HTRA3: variants seen among roughly 807,000 people sequenced by gnomAD.
The protein encoded by HTRA3 is HtrA serine peptidase 3, also known as serine protease HTRA3.
Under a neutral mutation model 43.2 loss-of-function variants are expected in HTRA3, and 41 were observed. That is an observed-to-expected ratio of 0.95 (90% confidence interval 0.74 to 1.23). The LOEUF (loss-of-function observed/expected upper bound fraction) is 1.23. HTRA3 is among the 50% of genes most tolerant of loss of function. HTRA3 has a pLI of 0.00. For missense variants in HTRA3, 628 were observed against 647.1 expected, an observed-to-expected ratio of 0.97 and a Z score of 0.32; for synonymous variants, 295 against 287.9, an observed-to-expected ratio of 1.02 and a Z score of -0.25.
chr4:8,305,884 C>A, intron 8 of HTRA3, 87 bp from the exon 9 acceptor site: 3 of 1,449,666 alleles, frequency 2.1e-6, no homozygotes, highest in East Asian at 4.6e-5. Flanking sequence ...TTGTCATTGA[C>A]CCTGACTGTG....
intron 1 of HTRA3, among the ~76,000 whole-genome samples, chr4:8,275,339 C>T (rs569017573): frequency 4.6e-5 from 7 of 152,330 alleles, no homozygotes; most frequent in East Asian, 1.9e-4. Flanking sequence ...CCCTCCCTGC[C>T]GAAAGCTGGG....
chr4:8,278,582 T>C (rs1285058488), intron 1 of HTRA3, among the ~76,000 whole-genome samples: 1 of 152,114 alleles, frequency 6.6e-6, no homozygotes, highest in Non-Finnish European at 1.5e-5. Context: ...CCCTTCCCCC[T>C]GATTCATGGC....
At chr4:8,291,328 G>A (rs1259636262) in intron 3 of HTRA3, 42 bp from the exon 4 acceptor site, 16 of 1,561,916 alleles carry the variant, frequency 1.0e-5, no homozygotes, top group African/African-American at 4.1e-5. Flanking sequence ...GAAGGTAGAC[G>A]GCTAAGCCTC....
Position 8,296,396 on chromosome 4 carries a change from C to G in HTRA3, c.1051+2195C>G, listed in dbSNP as rs1395727609. 3.0e-6 allele frequency: 3 copies of G among 985,364 alleles called. No homozygotes were observed. Among genetic ancestry groups the G allele is most frequent in the African/African-American group, 3.5e-5 (2 of 57,242 alleles). 61.0% of individuals were successfully genotyped at this position (985,364 alleles called of 1,614,324 possible). ...AAACCTTAGCTGCATGGCACACTTG[C>G]AATTTTAAAATCCTTCTGAAGTTGA... On this transcript the variant is annotated intron_variant, in intron 6 of 8. Coordinates refer to ENST00000307358, the MANE Select transcript of HTRA3 (RefSeq NM_053044.5). The surrounding 1 kb of genome is among the most constrained non-coding windows in gnomAD (Gnocchi z 5.3).
rs1713846413 is a variant in HTRA3 at position 8,306,252 on chromosome 4, T to C, written c.*116T>C. ...CCTCAGCAGGGCGGCAGCCTCCTCC[T>C]GGCTGTCCGGGGCAGAGCGGAGGCT... On this transcript the variant is annotated 3_prime_UTR_variant, in exon 9 of 9. Transcript: ENST00000307358. This position sits in a 1 kb window ranked among gnomAD's most constrained non-coding sequence, Gnocchi z 8.9. 3 of 1,151,388 alleles carry C rather than the reference T, an allele frequency of 2.6e-6. No individual in the cohort carries two copies. Among genetic ancestry groups the C allele is most frequent in the Non-Finnish European group, 3.6e-6 (3 of 842,096 alleles). 71.3% of individuals were successfully genotyped at this position (1,151,388 alleles called of 1,614,324 possible).
chr4:8,277,704 A>G (rs1231647117), intron 1 of HTRA3, among the ~76,000 whole-genome samples: 1 of 152,188 alleles, frequency 6.6e-6, no homozygotes, highest in Non-Finnish European at 1.5e-5. Context: ...GAGGCTGCAG[A>G]TGTCAATGGG....
chr4:8,283,389 C>T (rs1159878686), intron 2 of HTRA3, among the ~76,000 whole-genome samples: 5 of 152,210 alleles, frequency 3.3e-5, no homozygotes, highest in African/African-American at 1.2e-4. Context: ...CCACCATCCC[C>T]AGCCTCTCCT....
In HTRA3 at chr4:8,273,715, C is replaced by T. The variant is rs1232724953; in HGVS notation, c.385+3362C>T. Reference sequence around the variant, plus strand: ...CACCACGATGTTCAGTGGGGAGCCTCGATCCCCTCCGTCCCTCCGCCCCTC... The same window carrying T: ...CACCACGATGTTCAGTGGGGAGCCTTGATCCCCTCCGTCCCTCCGCCCCTC... On this transcript the variant is annotated intron_variant, in intron 1 of 8. Coordinates refer to ENST00000307358, the MANE Select transcript of HTRA3 (RefSeq NM_053044.5). Among the ~76,000 whole-genome samples, 5 of 152,086 alleles carry T rather than the reference C, an allele frequency of 3.3e-5. No individual in the cohort carries two copies. The East Asian group carries it at 9.7e-4, about 29-fold the overall frequency.
Position 8,269,916 on chromosome 4 carries a change from C to T in HTRA3, c.-53C>T. 2 of 905,866 alleles carry T rather than the reference C, an allele frequency of 2.2e-6. No individual in the cohort carries two copies. Among genetic ancestry groups the T allele is most frequent in the Non-Finnish European group, 1.3e-6 (1 of 751,606 alleles). The allele number at this position is 905,866 out of a possible 1,614,324, so 56.1% of individuals were successfully genotyped here. ...GGCCCCGCAGCGGCCTCGTTGTCCCCGCCGGCCCCCGCCCGGTCTCCCGCG... is the reference window on the plus strand; with the variant it reads ...GGCCCCGCAGCGGCCTCGTTGTCCCTGCCGGCCCCCGCCCGGTCTCCCGCG... On this transcript the variant is annotated 5_prime_UTR_variant, in exon 1 of 9. Coordinates refer to ENST00000307358, the MANE Select transcript of HTRA3 (RefSeq NM_053044.5).
intron 3 of HTRA3, among the ~76,000 whole-genome samples, chr4:8,289,232 G>C (rs1435142575): frequency 6.6e-6 from 1 of 152,186 alleles, no homozygotes; most frequent in Non-Finnish European, 1.5e-5. Flanking sequence ...TTACAGGTGT[G>C]AGCCATGGTG....
rs755283545 is a variant in HTRA3, at chr4:8,270,208, A to G, written c.240A>G (p.Leu80=). The part of the protein sequence containing the change: ...CGESLECVRG[L]CRCRWSHAVC... ...AGAGCCTGGAGTGCGTGCGCGGCCT[A>G]TGCCGCTGCCGCTGGTCGCACGCCG... Residue 80 remains leucine, a synonymous_variant, in exon 1 of 9, where the codon CTA becomes CTG. Transcript: ENST00000307358. 3.2e-6 allele frequency: 5 copies of G among 1,542,174 alleles called. No individual in the cohort carries two copies. Among genetic ancestry groups the G allele is most frequent in the Non-Finnish European group, 4.3e-6 (5 of 1,155,968 alleles).
chr4:8,304,048 T>C, intron 7 of HTRA3, 136 bp from the exon 8 acceptor site: 1 of 623,008 alleles, frequency 1.6e-6, no homozygotes. Context: ...GAGTGGCCAG[T>C]GGTGGGACAG....
chr4:8,298,709 G>A lies in HTRA3; in HGVS notation c.1052-3754G>A, dbSNP rs79177103. Among the ~76,000 whole-genome samples the A allele has an allele frequency of 9.9e-4, 151 of 152,062 alleles. No individual in the cohort carries two copies. The East Asian group carries it at 0.02, about 21-fold the overall frequency. On this transcript the variant is annotated intron_variant, in intron 6 of 8. Coordinates refer to ENST00000307358, the MANE Select transcript of HTRA3 (RefSeq NM_053044.5). ...GCAAAGTATAGATCGAGGTTTGGGC[G>A]TTTTTGTTATTTTTGCCTTGGAAAT...
intron 6 of HTRA3, among the ~76,000 whole-genome samples, chr4:8,301,867 C>T (rs1445315625): frequency 2.0e-5 from 3 of 152,160 alleles, no homozygotes; most frequent in African/African-American, 7.2e-5. Flanking sequence ...GGTCAGAACT[C>T]TTATATAAAA....
At chr4:8,278,190 C>T (rs1176699777) in intron 1 of HTRA3, among the ~76,000 whole-genome samples, 1 of 152,074 alleles carries the variant, frequency 6.6e-6, no homozygotes, top group Non-Finnish European at 1.5e-5. Flanking sequence ...GCCACAGTCC[C>T]CCAGGACTCC....
At chr4:8,290,820 C>T (rs1054765638) in intron 3 of HTRA3, among the ~76,000 whole-genome samples, 23 of 152,138 alleles carry the variant, frequency 1.5e-4, no homozygotes, top group African/African-American at 5.1e-4. Flanking sequence ...TCAGTGTGCG[C>T]GGCGTGGGGT....
intron 6 of HTRA3, among the ~76,000 whole-genome samples, chr4:8,299,440 C>T (rs888498192): frequency 1.2e-4 from 19 of 152,104 alleles, no homozygotes; most frequent in African/African-American, 4.6e-4. Context: ...TGAATAAAGA[C>T]AGTTTTACTT....
intron 1 of HTRA3, among the ~76,000 whole-genome samples, chr4:8,273,815 G>A (rs1263724493): frequency 6.6e-6 from 1 of 151,666 alleles, no homozygotes; most frequent in Admixed American, 6.6e-5. Context: ...GACTTGGTGT[G>A]GGGGTACCTT....
Position 8,294,211 on chromosome 4 carries a change from T to C in HTRA3, c.1051+10T>C, listed in dbSNP as rs761511197. 2 of 1,590,118 alleles carry C rather than the reference T, an allele frequency of 1.3e-6. No individual in the cohort carries two copies. The highest frequency in any genetic ancestry group is 1.7e-6 in the Non-Finnish European group (2 of 1,161,910). ...GACAAGCAGATCAAAGGTAAAGAGC[T>C]CACCTGGAGGGGGCCAGAGGCAGGG... is the stretch of plus-strand genomic sequence containing the variant. On this transcript the variant is annotated intron_variant, in intron 6 of 8. Transcript: ENST00000307358.
Sources: allele counts gnomAD v4.1 joint callset (sites outside exome capture counted in the v4.1 genomes callset), GRCh38; gene constraint gnomAD v4.1.1; non-coding constraint Gnocchi (gnomAD v3.1); transcripts MANE v1.5; gene names NCBI Gene and HGNC (gene_info 2026-07-23, HGNC 2026-07-21).